RALGAPA2: variants seen among roughly 807,000 people sequenced by gnomAD.
The protein encoded by RALGAPA2 is Ral GTPase activating protein catalytic subunit alpha 2, also known as ral GTPase-activating protein subunit alpha-2.
RALGAPA2 carries 139 observed loss-of-function variants against 230.4 expected under a neutral mutation model. The observed-to-expected ratio is 0.60, with a 90% CI of 0.53 to 0.69. The LOEUF (loss-of-function observed/expected upper bound fraction) is 0.69, where lower values mean the gene tolerates loss of function less well. Among genes scored for constraint, RALGAPA2 ranks in the 30% least tolerant of loss-of-function variants. The probability of loss-of-function intolerance (pLI) is 0.00; values close to 1 mark genes in which losing one functional copy is unlikely to be tolerated. For synonymous variants in RALGAPA2, 847 were observed against 837.8 expected, an observed-to-expected ratio of 1.01 and a Z score of -0.19; for missense variants, 2,163 against 2,276.0, an observed-to-expected ratio of 0.95 and a Z score of 1.01.
intron 23 of RALGAPA2, among the ~76,000 whole-genome samples, chr20:20,555,096 G>A (rs1306206502): frequency 6.6e-6 from 1 of 152,200 alleles, no homozygotes; most frequent in East Asian, 1.9e-4. Flanking sequence ...GTTAATTTGT[G>A]TATATGGTGT....
intron 1 of RALGAPA2, among the ~76,000 whole-genome samples, chr20:20,688,355 A>G (rs867820300): frequency 1.3e-5 from 2 of 152,186 alleles, no homozygotes; most frequent in African/African-American, 4.8e-5. Flanking sequence ...TGCAAATACA[A>G]AGTATTCATG....
chr20:20,665,099 A>T (rs1391563734), intron 3 of RALGAPA2, among the ~76,000 whole-genome samples: 3 of 152,242 alleles, frequency 2.0e-5, no homozygotes, highest in Non-Finnish European at 4.4e-5. Flanking sequence ...TAATTTAAAA[A>T]AAATCAACTT....
chr20:20,393,273 C>G lies in RALGAPA2; in HGVS notation c.*36-20G>C, dbSNP rs1196866629. ...GGGCCCCTGCAAAGGAAGCAGAGAA[C>G]TGCTAAGTCATGGAGGCAACGGCGG... On this transcript the variant is annotated intron_variant, in intron 39 of 39. Transcript: ENST00000202677. The G allele has an allele frequency of 7.6e-7, 1 of 1,323,552 alleles. No individual in the cohort carries two copies. The allele number at this position is 1,323,552 out of a possible 1,614,324, so 82.0% of individuals were successfully genotyped here.
At chr20:20,414,698 C>G (rs897199426) in intron 37 of RALGAPA2, among the ~76,000 whole-genome samples, 8 of 152,192 alleles carry the variant, frequency 5.3e-5, no homozygotes, top group African/African-American at 1.9e-4. Context: ...TATTTATGGT[C>G]TGACTCCTAA....
chr20:20,537,269 T>C (rs2063521415), intron 24 of RALGAPA2, among the ~76,000 whole-genome samples: 1 of 152,166 alleles, frequency 6.6e-6, no homozygotes, highest in Non-Finnish European at 1.5e-5. Context: ...TGAGATACTA[T>C]ATCACTATAT....
At chr20:20,411,873 A>G (rs1448849043) in intron 38 of RALGAPA2, among the ~76,000 whole-genome samples, 154 bp downstream of exon 38, 3 of 152,256 alleles carry the variant, frequency 2.0e-5, no homozygotes, top group Non-Finnish European at 2.9e-5. Flanking sequence ...ACAAATTAAA[A>G]TGAATGTCAT....
intron 37 of RALGAPA2, among the ~76,000 whole-genome samples, chr20:20,457,880 G>C (rs1283029135): frequency 6.6e-6 from 1 of 152,222 alleles, no homozygotes; most frequent in Non-Finnish European, 1.5e-5. Flanking sequence ...ACAGTGAAGA[G>C]GGGCCAAGGG....
intron 14 of RALGAPA2, among the ~76,000 whole-genome samples, chr20:20,611,104 A>G (rs1475659328): frequency 6.6e-6 from 1 of 152,214 alleles, no homozygotes; most frequent in Admixed American, 6.5e-5. Flanking sequence ...GCAAATTAAA[A>G]GAGGAAGTAG....
intron 14 of RALGAPA2, among the ~76,000 whole-genome samples, chr20:20,607,608 A>G (rs1323432721): frequency 1.3e-5 from 2 of 152,214 alleles, no homozygotes; most frequent in African/African-American, 2.4e-5. Flanking sequence ...ATATTAGATC[A>G]ATAAATATAA....
In RALGAPA2 at chr20:20,391,209, A is replaced by G. The variant is rs3748445; in HGVS notation, c.*2080T>C. On this transcript the variant is annotated 3_prime_UTR_variant, in exon 40 of 40. Coordinates refer to ENST00000202677, the MANE Select transcript of RALGAPA2 (RefSeq NM_020343.4). ...AACAGGAGTGAGGTAAACAGGAGAC[A>G]GGAGCAGCTCAACAGCAGGATCAAG... The G allele has an allele frequency of 0.13, 20,197 of 152,352 alleles. 2,738 individuals are homozygous for G. Among genetic ancestry groups the G allele is most frequent in the African/African-American group, 0.35 (14,625 of 41,508 alleles). 9.4% of individuals were successfully genotyped at this position (152,352 alleles called of 1,614,324 possible).
chr20:20,680,539 C>G (rs1016180762), intron 2 of RALGAPA2, among the ~76,000 whole-genome samples, 152 bp downstream of exon 2: 1 of 152,100 alleles, frequency 6.6e-6, no homozygotes. Context: ...TCAAGAGAAA[C>G]AAAGATGCCA....
chr20:20,462,657 T>G lies in RALGAPA2; in HGVS notation c.5495+10172A>C, dbSNP rs114896907. On this transcript the variant is annotated intron_variant, in intron 37 of 39. Coordinates refer to ENST00000202677, the MANE Select transcript of RALGAPA2 (RefSeq NM_020343.4). ...CATTTGGGTCGTACTCACCCCTAGA[T>G]TACCAAAAAAGTATTCTGCTTTCAT... 6.6e-3 allele frequency among the ~76,000 whole-genome samples: 999 copies of G among 152,222 alleles called. 12 individuals are homozygous for G. The highest frequency in any genetic ancestry group is 0.023 in the African/African-American group (943 of 41,528).
At chr20:20,509,660 C>T (rs1278804371) in intron 33 of RALGAPA2, among the ~76,000 whole-genome samples, 1 of 151,694 alleles carries the variant, frequency 6.6e-6, no homozygotes, top group Non-Finnish European at 1.5e-5. Context: ...CGCTCAGTGA[C>T]CTGGGAGACA....
intron 26 of RALGAPA2, among the ~76,000 whole-genome samples, chr20:20,534,235 G>C (rs2063441104): frequency 6.6e-6 from 1 of 152,114 alleles, no homozygotes; most frequent in Admixed American, 6.5e-5. Flanking sequence ...ACGAAGTCAG[G>C]AGATTGAGAC....
chr20:20,653,998 T>C lies in RALGAPA2; in HGVS notation c.271-411A>G, dbSNP rs116744440. ...ATTAGTCTCTGGACAAAGAACAGGA[T>C]TGGGAAGAAAAGTGAAAACAAAGAG... On this transcript the variant is annotated intron_variant, in intron 3 of 39. Transcript: ENST00000202677. 4.9e-3 allele frequency among the ~76,000 whole-genome samples: 752 copies of C among 152,186 alleles called. 7 individuals are homozygous for C. Among genetic ancestry groups the C allele is most frequent in the African/African-American group, 0.017 (704 of 41,506 alleles).
chr20:20,552,205 G>C (rs954875689), intron 23 of RALGAPA2, among the ~76,000 whole-genome samples: 2 of 152,086 alleles, frequency 1.3e-5, no homozygotes, highest in Non-Finnish European at 2.9e-5. Flanking sequence ...TATTTGCTCA[G>C]GGCCCAGCAG....
intron 36 of RALGAPA2, among the ~76,000 whole-genome samples, chr20:20,479,874 T>C (rs549192639): frequency 6.6e-6 from 1 of 152,352 alleles, no homozygotes; most frequent in South Asian, 2.1e-4. Flanking sequence ...ATCTCCAACA[T>C]AATCTATGGC....
intron 32 of RALGAPA2, among the ~76,000 whole-genome samples, chr20:20,512,092 G>A (rs2062721656): frequency 6.6e-6 from 1 of 152,052 alleles, no homozygotes; most frequent in South Asian, 2.1e-4. Flanking sequence ...GGAGGATGAG[G>A]CAGGAGAATT....
chr20:20,505,789 A>ACAT (rs2062516170), intron 33 of RALGAPA2, among the ~76,000 whole-genome samples: 1 of 152,222 alleles, frequency 6.6e-6, no homozygotes, highest in African/African-American at 2.4e-5. Context: ...AACAAAAAGC[A>ACAT]CATCCAGCAA....
Sources: allele counts gnomAD v4.1 joint callset (sites outside exome capture counted in the v4.1 genomes callset), GRCh38; gene constraint gnomAD v4.1.1; transcripts MANE v1.5; gene names NCBI Gene and HGNC (gene_info 2026-07-23, HGNC 2026-07-21).